The following SLC2A2 variants were observed in gnomAD, a reference collection of about 807,000 sequenced individuals.
SLC2A2 encodes solute carrier family 2 member 2, also known as solute carrier family 2, facilitated glucose transporter member 2.
SLC2A2 carries 36 observed loss-of-function variants against 54.5 expected under a neutral mutation model. The observed-to-expected ratio is 0.66, with a 90% CI of 0.51 to 0.87. The LOEUF (loss-of-function observed/expected upper bound fraction) is 0.87, where lower values mean the gene tolerates loss of function less well. Ranked by LOEUF, SLC2A2 falls within the 40% of genes least tolerant of loss-of-function variation. SLC2A2 has a pLI of 0.00. For missense variants in SLC2A2, 543 were observed against 624.3 expected, an observed-to-expected ratio of 0.87 and a Z score of 1.39; for synonymous variants, 223 against 219.1, an observed-to-expected ratio of 1.02 and a Z score of -0.16.
rs10513689 is a variant in SLC2A2, at chr3:171,009,869, G to A, written c.496+89C>T. 201,666 of 1,481,410 alleles carry A rather than the reference G, an allele frequency of 0.14. 18,467 individuals carry two copies. Among genetic ancestry groups the A allele is most frequent in the African/African-American group, 0.41 (29,368 of 70,798 alleles). The allele number at this position is 1,481,410 out of a possible 1,614,324, so 91.8% of individuals were successfully genotyped here. On this transcript the variant is annotated intron_variant, in intron 4 of 10. Coordinates refer to ENST00000314251, the MANE Select transcript of SLC2A2 (RefSeq NM_000340.2). ...ACCCTAGACTCAAAAATATCCCTGAGTGCTACCACATCCGCCTTTAGAGTT... is the reference window on the plus strand; with the variant it reads ...ACCCTAGACTCAAAAATATCCCTGAATGCTACCACATCCGCCTTTAGAGTT...
intron 3 of SLC2A2, among the ~76,000 whole-genome samples, chr3:171,010,308 C>T (rs985372124): frequency 6.6e-6 from 1 of 152,024 alleles, no homozygotes; most frequent in Non-Finnish European, 1.5e-5. Context: ...GTTGCATCCA[C>T]CTGATCTCTA....
At chr3:171,004,369 C>T (rs1244186951) in intron 7 of SLC2A2, among the ~76,000 whole-genome samples, 1 of 151,922 alleles carries the variant, frequency 6.6e-6, no homozygotes, top group Non-Finnish European at 1.5e-5. Context: ...TAAAAATAAA[C>T]ATCAAGGACC....
At chr3:171,014,289 C>G (rs969708738) in intron 3 of SLC2A2, among the ~76,000 whole-genome samples, 180 bp downstream of exon 3, 7 of 152,178 alleles carry the variant, frequency 4.6e-5, no homozygotes, top group African/African-American at 1.7e-4. Context: ...ATTAACCAAA[C>G]TGTCGCAACA....
rs115725902 is a variant in SLC2A2, at chr3:171,023,828, C to T, written c.15+2828G>A. ...TCTTCAAGCCTTTTCTCCTAACTTC[C>T]TCATAGGCTATAAGGTGTTCAGCTT... On this transcript the variant is annotated intron_variant, in intron 1 of 10. Coordinates refer to ENST00000314251, the MANE Select transcript of SLC2A2 (RefSeq NM_000340.2). Among the ~76,000 whole-genome samples, 938 of 152,272 alleles carry T rather than the reference C, an allele frequency of 6.2e-3. 12 individuals carry two copies. The highest frequency in any genetic ancestry group is 0.021 in the African/African-American group (884 of 41,542).
intron 2 of SLC2A2, among the ~76,000 whole-genome samples, chr3:171,016,581 A>G (rs1716160899): frequency 6.6e-6 from 1 of 152,180 alleles, no homozygotes; most frequent in Admixed American, 6.5e-5. Flanking sequence ...TAATTTTCAT[A>G]ACCATATGAA....
chr3:171,004,946 C>T (rs1715521415), intron 7 of SLC2A2, among the ~76,000 whole-genome samples: 1 of 151,936 alleles, frequency 6.6e-6, no homozygotes, highest in Non-Finnish European at 1.5e-5. Flanking sequence ...ATCCTAAATT[C>T]AATACTCAAC....
At chr3:171,023,028 T>C (rs1382059159) in intron 1 of SLC2A2, among the ~76,000 whole-genome samples, 1 of 152,216 alleles carries the variant, frequency 6.6e-6, no homozygotes, top group Non-Finnish European at 1.5e-5. Context: ...TTTATTAGAA[T>C]AACAAAAATA....
At chr3:171,026,616 C>T in intron 1 of SLC2A2, 40 bp downstream of exon 1, 1 of 1,587,018 alleles carries the variant, frequency 6.3e-7, no homozygotes, top group Non-Finnish European at 8.7e-7. Flanking sequence ...CTAACTATCT[C>T]CTGAAAACCA....
At chr3:171,010,509 T>C (rs989804611) in intron 3 of SLC2A2, among the ~76,000 whole-genome samples, 2 of 152,110 alleles carry the variant, frequency 1.3e-5, no homozygotes, top group Non-Finnish European at 2.9e-5. Flanking sequence ...TTTCAAAGAG[T>C]TAACTAAGTT....
In SLC2A2 at chr3:170,997,905, A is replaced by C. The variant is rs750463981; in HGVS notation, c.1573T>G (p.Ter525GluextTer7). 2 of 1,607,166 alleles carry C rather than the reference A, an allele frequency of 1.2e-6. No homozygotes were observed. The highest frequency in any genetic ancestry group is 2.7e-5 in the African/African-American group (2 of 74,332). The change falls in exon 11 of 11, where the codon TAA becomes GAA. Residue 525 changes from the stop codon to glutamate (E), a stop_lost. Transcript: ENST00000314251. ...TGTCAAAAAGCAGGGTTTTTTTTTT[A>C]CACAGTCTCTGTAGCTCCTAGGAAT... ...MKFLGATETV[*>E]
chr3:171,018,397 C>T (rs1716253650), intron 2 of SLC2A2, 134 bp downstream of exon 2: 15 of 750,744 alleles, frequency 2.0e-5, no homozygotes, highest in Middle Eastern at 2.3e-4. Context: ...TGGAACAGTG[C>T]ACATCGTACC....
chr3:171,021,743 G>T (rs1716476996), intron 1 of SLC2A2, among the ~76,000 whole-genome samples: 1 of 152,344 alleles, frequency 6.6e-6, no homozygotes, highest in Admixed American at 6.5e-5. Context: ...ATGGAATTCA[G>T]TTCCTCTTGG....
chr3:171,013,167 A>G (rs1045204664), intron 3 of SLC2A2, among the ~76,000 whole-genome samples: 1 of 152,136 alleles, frequency 6.6e-6, no homozygotes, highest in African/African-American at 2.4e-5. Flanking sequence ...TTTTTTTTAA[A>G]ATTATTTTTC....
At chr3:171,013,498 A>G (rs545213472) in intron 3 of SLC2A2, among the ~76,000 whole-genome samples, 1 of 152,200 alleles carries the variant, frequency 6.6e-6, no homozygotes, top group African/African-American at 2.4e-5. Context: ...ACTTATAGTC[A>G]TATTATATAA....
chr3:171,015,195 G>A (rs1480929136), intron 2 of SLC2A2, among the ~76,000 whole-genome samples: 4 of 152,140 alleles, frequency 2.6e-5, no homozygotes, highest in African/African-American at 2.4e-5. Context: ...TAGGCCAGGC[G>A]CGGTGGCTCA....
At chr3:171,003,560 CG>C in intron 7 of SLC2A2, among the ~76,000 whole-genome samples, 2 of 151,876 alleles carry the variant, frequency 1.3e-5, no homozygotes, top group Non-Finnish European at 2.9e-5. Context: ...TGACTATTGA[CG>C]TTTTTAAAAA....
chr3:171,007,415 G>T, intron 4 of SLC2A2, 152 bp from the exon 5 acceptor site: 1 of 658,358 alleles, frequency 1.5e-6, no homozygotes, highest in Non-Finnish European at 2.8e-6. Context: ...GACATAGTTT[G>T]TGCAGGAGAT....
chr3:171,001,104 T>A (rs965472151), intron 8 of SLC2A2, among the ~76,000 whole-genome samples: 1 of 151,914 alleles, frequency 6.6e-6, no homozygotes, highest in Non-Finnish European at 1.5e-5. Flanking sequence ...CTTAAACAAC[T>A]CCTCCCACAT....
Position 170,998,206 on chromosome 3 carries a change from A to G in SLC2A2, c.1361T>C (p.Phe454Ser). The G allele has an allele frequency of 6.2e-7, 1 of 1,613,748 alleles. No homozygotes were observed. Among genetic ancestry groups the G allele is most frequent in the African/African-American group, 1.3e-5 (1 of 75,018 alleles). ...TAGGCTGCTTACCGCAATGTACTGG[A>G]AACACAGAGCTACAATGAAATTGCA... ...WTCNFIVALCFQYIADFCGPY... is the reference protein window; with the variant it reads ...WTCNFIVALCSQYIADFCGPY... The change falls in exon 10 of 11, where the codon TTC becomes TCC. Residue 454 changes from phenylalanine (F) to serine (S), a missense_variant. Coordinates refer to ENST00000314251, the MANE Select transcript of SLC2A2 (RefSeq NM_000340.2).
Sources: allele counts gnomAD v4.1 joint callset (sites outside exome capture counted in the v4.1 genomes callset), GRCh38; gene constraint gnomAD v4.1.1; transcripts MANE v1.5; gene names NCBI Gene and HGNC (gene_info 2026-07-23, HGNC 2026-07-21).